GABPB2: variants seen among roughly 807,000 people sequenced by gnomAD.
GABPB2 encodes the protein GA-binding protein subunit beta-2.
GABPB2 carries 23 observed loss-of-function variants against 39.1 expected under a neutral mutation model. The ratio of observed to expected loss-of-function variants is 0.59; its 90% CI spans 0.42 to 0.83. The LOEUF (loss-of-function observed/expected upper bound fraction) is 0.83. GABPB2 is among the 40% of genes least tolerant of loss of function. GABPB2 has a pLI of 0.00. For missense variants in GABPB2, 467 were observed against 541.1 expected (o/e 0.86, Z 1.36); for synonymous variants, 184 against 199.3 (o/e 0.92, Z 0.65).
intron 7 of GABPB2, chr1:151,112,735 C>A: frequency 5.0e-6 from 1 of 200,596 alleles, no homozygotes; most frequent in South Asian, 9.4e-5. Flanking sequence ...CCATCTTGCT[C>A]TCAAGAGTGC....
At position 151,092,565 on chromosome 1, in the gene GABPB2, TTTA is replaced by T. The variant is rs201700987; in HGVS notation, c.277-611_277-609del. On this transcript the variant is annotated intron_variant, in intron 3 of 8. Transcript: ENST00000368918. ...CATTGCTCCCAGCCTAGTTTTCCAA[TTTA>T]TTATTATTATTATTAATGGTTTTTG... Among the ~76,000 whole-genome samples the T allele has an allele frequency of 4.0e-3, 603 of 149,534 alleles. 13 individuals are homozygous for T. In the East Asian group the frequency reaches 0.05, roughly 12 times the overall value.
Position 151,090,411 on chromosome 1 carries a change from A to C in GABPB2, c.114A>C (p.Gly38=). The C allele has an allele frequency of 6.2e-7, 1 of 1,613,898 alleles. No individual in the cohort carries two copies. Among genetic ancestry groups the C allele is most frequent in the South Asian group, 1.1e-5 (1 of 91,066 alleles). The part of the protein sequence containing the change: ...NGAPFTTDWL[G]TSPLHLAAQY... ...TGAGCATTATTTTTCCACAGCTTGG[A>C]ACATCACCCCTCCACCTTGCAGCTC... The change falls in exon 3 of 9, where the codon GGA becomes GGC. Residue 38 remains glycine (G), a synonymous_variant. Transcript: ENST00000368918.
chr1:151,075,906 G>A (rs1228586346), intron 1 of GABPB2, among the ~76,000 whole-genome samples: 1 of 152,026 alleles, frequency 6.6e-6, no homozygotes, highest in Non-Finnish European at 1.5e-5. Context: ...GGGTTACAAA[G>A]AAATAAAGAT....
chr1:151,087,557 G>A (rs1189284026), intron 1 of GABPB2, among the ~76,000 whole-genome samples: 3 of 151,986 alleles, frequency 2.0e-5, no homozygotes, highest in African/African-American at 7.2e-5. Flanking sequence ...TTAGGCAGGA[G>A]AATTGCTTGA....
chr1:151,091,044 A>G (rs12093562), intron 3 of GABPB2, among the ~76,000 whole-genome samples: 106,233 of 151,036 alleles, frequency 0.7, 38,492 homozygotes, highest in East Asian at 0.89. Flanking sequence ...AAAAAAAAAA[A>G]CCTTCATGGC....
At chr1:151,099,457 A>G (rs1571947951) in intron 5 of GABPB2, among the ~76,000 whole-genome samples, 2 of 152,242 alleles carry the variant, frequency 1.3e-5, no homozygotes, top group East Asian at 3.9e-4. Context: ...CGGCCTCCCA[A>G]AGTGCTGGGA....
rs1000862539 is a variant in GABPB2 at position 151,118,962 on chromosome 1, GATTGTCTGAC to G, written c.*708_*717del. 1.3e-5 allele frequency: 2 copies of G among 152,174 alleles called. No homozygotes were observed. The highest frequency in any genetic ancestry group is 2.9e-5 in the Non-Finnish European group (2 of 68,064). The allele number at this position is 152,174 out of a possible 1,614,324, so 9.4% of individuals were successfully genotyped here. The stretch of plus-strand genomic sequence containing the variant: ...ACCACATCACTGAGAAGAAATTTTT[GATTGTCTGAC>G]AGATACTTATCCATTATGTGTCTAT... On this transcript the variant is annotated 3_prime_UTR_variant, in exon 9 of 9. Transcript: ENST00000368918.
chr1:151,094,941 C>G (rs1444935235), intron 4 of GABPB2, among the ~76,000 whole-genome samples: 1 of 147,602 alleles, frequency 6.8e-6, no homozygotes, highest in Non-Finnish European at 1.5e-5. Flanking sequence ...ACCTGGGAGG[C>G]AGAGGTTGCA....
intron 7 of GABPB2, chr1:151,112,697 G>T: frequency 9.2e-6 from 2 of 218,368 alleles, no homozygotes; most frequent in South Asian, 1.5e-4. Flanking sequence ...AAATTTTTGT[G>T]GGTGGCTCCA....
At chr1:151,091,322 A>G (rs1242255849) in intron 3 of GABPB2, among the ~76,000 whole-genome samples, 1 of 150,730 alleles carries the variant, frequency 6.6e-6, no homozygotes, top group Admixed American at 6.6e-5. Flanking sequence ...TCCTGACCTC[A>G]GGTGATCCAC....
chr1:151,073,602 A>T (rs1208921368), intron 1 of GABPB2, among the ~76,000 whole-genome samples: 2 of 151,944 alleles, frequency 1.3e-5, no homozygotes, highest in African/African-American at 4.8e-5. Flanking sequence ...GTTTTGTTTT[A>T]TTTTAAGTGA....
rs1385190128 is a variant in GABPB2, at chr1:151,091,038, AAAAAAAC to A, written c.276+466_276+472del. On this transcript the variant is annotated intron_variant, in intron 3 of 8. Transcript: ENST00000368918. The stretch of plus-strand genomic sequence containing the variant: ...AAAACAAAAAAACAAAAAAACAAAA[AAAAAAAC>A]CTTCATGGCTATGAGGAGTCTGTTT... Among the ~76,000 whole-genome samples the A allele has an allele frequency of 3.2e-3, 490 of 151,190 alleles. 2 individuals carry two copies. The highest frequency in any genetic ancestry group is 8.1e-3 in the South Asian group (39 of 4,808).
intron 5 of GABPB2, among the ~76,000 whole-genome samples, chr1:151,101,070 C>A (rs587711630): frequency 6.7e-6 from 1 of 149,906 alleles, no homozygotes; most frequent in East Asian, 2.0e-4. Context: ...CATGGTGAAA[C>A]CTGGTCTGTA....
At position 151,119,218 on chromosome 1, in the gene GABPB2, G is replaced by A. The variant is rs1681083206; in HGVS notation, c.*962G>A. ...AGCTACTCAGGAGGCTGAGGTGGGA[G>A]GATCGCTTGTGCCTTGGAGGTCAAA... is the stretch of plus-strand genomic sequence containing the variant. On this transcript the variant is annotated 3_prime_UTR_variant, in exon 9 of 9. Transcript: ENST00000368918. 2 of 152,304 alleles carry A rather than the reference G, an allele frequency of 1.3e-5. No homozygotes were observed. Among genetic ancestry groups the A allele is most frequent in the African/African-American group, 4.8e-5 (2 of 41,462 alleles). The allele number at this position is 152,304 out of a possible 1,614,324, so 9.4% of individuals were successfully genotyped here.
At chr1:151,082,203 A>G (rs1396795345) in intron 1 of GABPB2, among the ~76,000 whole-genome samples, 7 of 150,206 alleles carry the variant, frequency 4.7e-5, no homozygotes, top group African/African-American at 1.7e-4. Context: ...CAGCCTCCCA[A>G]GTAACTGGGA....
intron 7 of GABPB2, chr1:151,111,949 G>T (rs1467646190): frequency 6.0e-5 from 9 of 150,104 alleles, no homozygotes; most frequent in African/African-American, 2.2e-4. Context: ...CTGTGGCTGG[G>T]CGCAGTGGCT....
chr1:151,118,153 T>TAGTC lies in GABPB2; in HGVS notation c.1246_1249dup (p.Thr417SerfsTer25). The TAGTC allele has an allele frequency of 6.2e-7, 1 of 1,614,062 alleles. No individual in the cohort carries two copies. The highest frequency in any genetic ancestry group is 1.3e-5 in the African/African-American group (1 of 75,004). On this transcript the variant is annotated frameshift_variant, in exon 9 of 9. Transcript: ENST00000368918. LOFTEE classifies it low-confidence loss of function (END_TRUNC). ...GAGGTGGCTGAGGTAGATGCTGTAG[T>TAGTC]AGTCACAGAGGGGGAGTTGGAAGAG...
At chr1:151,079,487 G>A (rs1202998805) in intron 1 of GABPB2, among the ~76,000 whole-genome samples, 1 of 152,120 alleles carries the variant, frequency 6.6e-6, no homozygotes, top group African/African-American at 2.4e-5. Context: ...GTTGCAGTGA[G>A]CCATGATTAT....
chr1:151,080,482 G>T (rs1207560234), intron 1 of GABPB2, among the ~76,000 whole-genome samples: 1 of 151,232 alleles, frequency 6.6e-6, no homozygotes, highest in Non-Finnish European at 1.5e-5. Context: ...CTGCACTCCA[G>T]CCTGGGCAAC....
Sources: gnomAD v4.1 joint callset for allele counts (sites outside exome capture counted in the v4.1 genomes callset) on GRCh38, gnomAD v4.1.1 for gene constraint, MANE v1.5 for transcripts, NCBI Gene and HGNC (gene_info 2026-07-23, HGNC 2026-07-21) for gene names.